FLT1: variants seen among roughly 807,000 people sequenced by gnomAD.
FLT1 encodes the protein fms related receptor tyrosine kinase 1.
FLT1 carries 49 observed loss-of-function variants against 156.3 expected under a neutral mutation model. The ratio of observed to expected loss-of-function variants is 0.31; its 90% confidence interval spans 0.25 to 0.40. The LOEUF (loss-of-function observed/expected upper bound fraction) is 0.40. Ranked by LOEUF, FLT1 falls within the 10% of genes least tolerant of loss-of-function variation. FLT1 has a pLI of 1.00. For synonymous variants in FLT1, 594 were observed against 583.8 expected (o/e 1.02, Z -0.25); for missense variants, 1,322 against 1,637.2 (o/e 0.81, Z 3.32).
chr13:28,311,751 A>T lies in FLT1; in HGVS notation c.3493-19T>A. The T allele has an allele frequency of 6.2e-7, 1 of 1,613,758 alleles. No homozygotes were observed. The stretch of plus-strand genomic sequence containing the variant: ...TACCATCCTAAAATACCAAAGGTAG[A>T]GCTCTCGTTGCACCAATTCTGACTT... On this transcript the variant is annotated intron_variant, in intron 26 of 29. Transcript: ENST00000282397.
At position 28,338,142 on chromosome 13, in the gene FLT1, AAGC is replaced by A. The variant is rs1254778144; in HGVS notation, c.2488+1023_2488+1025del. Among the ~76,000 whole-genome samples the A allele has an allele frequency of 2.0e-5, 3 of 152,162 alleles. No homozygotes were observed. The East Asian group carries it at 5.8e-4, about 29-fold the overall frequency. On this transcript the variant is annotated intron_variant, in intron 17 of 29. Transcript: ENST00000282397. The stretch of plus-strand genomic sequence containing the variant: ...CCTGAGGCCAGTCCTTCCTCAGTGT[AAGC>A]AGAATCATTTCAAGGCCCAAGAGAA...
At position 28,434,238 on chromosome 13, in the gene FLT1, T is replaced by G. The variant is rs767683737; in HGVS notation, c.514-18A>C. 6 of 1,613,388 alleles carry G rather than the reference T, an allele frequency of 3.7e-6. No homozygotes were observed. In the South Asian group the frequency reaches 6.6e-5, roughly 18 times the overall value. Reference sequence around the variant, plus strand: ...AGTGGAAACTGAAAAGGAAGAGGCATGCATTAACAAGGTCCTATTAGCACT... The same window carrying G: ...AGTGGAAACTGAAAAGGAAGAGGCAGGCATTAACAAGGTCCTATTAGCACT... On this transcript the variant is annotated intron_variant, in intron 4 of 29. Transcript: ENST00000282397.
At chr13:28,459,155 A>G (rs1281682443) in intron 3 of FLT1, among the ~76,000 whole-genome samples, 1 of 152,196 alleles carries the variant, frequency 6.6e-6, no homozygotes, top group Non-Finnish European at 1.5e-5. Flanking sequence ...GGTTGCTGCC[A>G]TTTTAGGAAT....
chr13:28,314,252 C>G (rs1871117083), intron 25 of FLT1, among the ~76,000 whole-genome samples: 1 of 152,170 alleles, frequency 6.6e-6, no homozygotes, highest in South Asian at 2.1e-4. Flanking sequence ...GCAGGACACT[C>G]CCTAGTTTCC....
In FLT1 at chr13:28,322,842, C is replaced by G; in HGVS notation, c.2901G>C (p.Ala967=). 1 of 1,614,134 alleles carries G rather than the reference C, an allele frequency of 6.2e-7. No homozygotes were observed. Among genetic ancestry groups the G allele is most frequent in the Non-Finnish European group, 8.5e-7 (1 of 1,180,022 alleles). The part of the protein sequence containing the change: ...LDSVTSSESF[A]SSGFQEDKSL... ...TTTTATCTTCCTGAAAGCCGGAGCTCGCAAAGCTTTCGCTGCTGGTGACGC... is the reference window on the plus strand; with the variant it reads ...TTTTATCTTCCTGAAAGCCGGAGCTGGCAAAGCTTTCGCTGCTGGTGACGC... Residue 967 remains alanine (A), a synonymous_variant, in exon 21 of 30, where the codon GCG becomes GCC. Transcript: ENST00000282397. The surrounding 1 kb of genome is among the most constrained non-coding windows in gnomAD (Gnocchi z 4.3).
chr13:28,372,197 T>C (rs117489745), intron 14 of FLT1, among the ~76,000 whole-genome samples: 4,522 of 147,694 alleles, frequency 0.031, 93 homozygotes, highest in Middle Eastern at 0.092. Context: ...TCCTCCTAGC[T>C]CAGTCTCCTG....
chr13:28,346,027 A>C (rs1872555033), intron 15 of FLT1, among the ~76,000 whole-genome samples: 1 of 151,932 alleles, frequency 6.6e-6, no homozygotes, highest in Non-Finnish European at 1.5e-5. Context: ...AAAATTCTTC[A>C]AAGTAGAATT....
At chr13:28,394,544 C>T (rs1490817472) in intron 12 of FLT1, among the ~76,000 whole-genome samples, 2 of 152,118 alleles carry the variant, frequency 1.3e-5, no homozygotes, top group South Asian at 2.1e-4. Context: ...TCTGGGCTAG[C>T]CAGAGGTTGG....
Position 28,368,632 on chromosome 13 carries a change from C to T in FLT1, c.2117-10947G>A, listed in dbSNP as rs747278406. 45 of 1,274,326 alleles carry T rather than the reference C, an allele frequency of 3.5e-5. 1 individual carries two copies. Among genetic ancestry groups the T allele is most frequent in the South Asian group, 2.0e-4 (16 of 78,506 alleles). 78.9% of individuals were successfully genotyped at this position (1,274,326 alleles called of 1,614,324 possible). Reference sequence around the variant, plus strand: ...ATGATGATGACAATGGTGATGATGACGATGACGATGGTGACGTTGATGTAT... The same window carrying T: ...ATGATGATGACAATGGTGATGATGATGATGACGATGGTGACGTTGATGTAT... On this transcript the variant is annotated intron_variant, in intron 14 of 29. Transcript: ENST00000282397.
intron 14 of FLT1, chr13:28,368,647 C>T (rs1220702961): frequency 1.7e-5 from 18 of 1,082,702 alleles, no homozygotes; most frequent in East Asian, 7.8e-5. Flanking sequence ...ACGATGGTGA[C>T]GTTGATGTAT....
chr13:28,446,376 C>T (rs964078783), intron 3 of FLT1, among the ~76,000 whole-genome samples: 1 of 152,128 alleles, frequency 6.6e-6, no homozygotes, highest in African/African-American at 2.4e-5. Context: ...GGAAAACAGT[C>T]TCTGTTTTCA....
chr13:28,473,050 G>A (rs187746964), intron 1 of FLT1, among the ~76,000 whole-genome samples: 1 of 152,096 alleles, frequency 6.6e-6, no homozygotes, highest in Non-Finnish European at 1.5e-5. Flanking sequence ...AACACAGGGA[G>A]ACACCACTTC....
chr13:28,468,436 T>C (rs919474584), intron 1 of FLT1, among the ~76,000 whole-genome samples: 24 of 152,198 alleles, frequency 1.6e-4, no homozygotes, highest in Admixed American at 6.5e-4. Flanking sequence ...AGACAAGTCA[T>C]CTCTCTTTCC....
intron 14 of FLT1, among the ~76,000 whole-genome samples, chr13:28,361,621 A>G (rs1289412021): frequency 6.6e-6 from 1 of 152,260 alleles, no homozygotes; most frequent in Admixed American, 6.5e-5. Flanking sequence ...TATAAGGGTA[A>G]TAACTTGCTT....
chr13:28,428,087 T>C (rs1328344558), intron 8 of FLT1, among the ~76,000 whole-genome samples, 166 bp from the exon 9 acceptor site: 2 of 152,196 alleles, frequency 1.3e-5, no homozygotes, highest in Non-Finnish European at 2.9e-5. Flanking sequence ...AAGGCAGATA[T>C]GATTTTTAGA....
intron 17 of FLT1, among the ~76,000 whole-genome samples, chr13:28,334,572 G>A (rs763282634): frequency 4.1e-4 from 63 of 152,122 alleles, no homozygotes; most frequent in Non-Finnish European, 7.8e-4. Flanking sequence ...GAAAATGGTG[G>A]TTACTACTGT....
In FLT1 at chr13:28,345,498, C is replaced by A. The variant is rs1468178679; in HGVS notation, c.2302G>T (p.Ala768Ser). 1.9e-6 allele frequency: 3 copies of A among 1,613,378 alleles called. No homozygotes were observed. Among genetic ancestry groups the A allele is most frequent in the East Asian group, 2.2e-5 (1 of 44,878 alleles). ...ELITLTCTCV[A>S]ATLFWLLLTL... ...AATAGGAGCCAGAAGAGAGTCGCAG[C>A]CACACAGGTGCATGTTAGAGTGATC... The change falls in exon 16 of 30, where the codon GCT (alanine) becomes TCT (serine). Residue 768 changes from alanine (A) to serine (S), a missense_variant. Physicochemically the swap from Ala to Ser is moderately conservative, Grantham distance 99 (BLOSUM62 1). Around this residue, in one of 3 missense-constraint regions of FLT1, gnomAD observed 991 missense variants for 1,254.8 expected, o/e 0.79. Transcript: ENST00000282397.
intron 16 of FLT1, among the ~76,000 whole-genome samples, chr13:28,340,119 G>A (rs1489646431): frequency 8.5e-5 from 13 of 152,114 alleles, no homozygotes; most frequent in Non-Finnish European, 1.9e-4. Flanking sequence ...GGAGGCTGAG[G>A]CAGGAGAGCT....
intron 3 of FLT1, among the ~76,000 whole-genome samples, chr13:28,465,606 G>T (rs1013532646): frequency 3.0e-4 from 45 of 152,284 alleles, no homozygotes; most frequent in African/African-American, 8.9e-4. Flanking sequence ...ACTTTGGGAG[G>T]CCGAGGCAGG....
Sources: gnomAD v4.1 joint callset for allele counts (sites outside exome capture counted in the v4.1 genomes callset) on GRCh38, gnomAD v4.1.1 for gene constraint, gnomAD v4.1.1 regional missense constraint, Gnocchi (gnomAD v3.1) non-coding constraint, MANE v1.5 for transcripts, NCBI Gene and HGNC (gene_info 2026-07-23, HGNC 2026-07-21) for gene names.